The following PHF14 variants were observed in gnomAD, a reference collection of about 807,000 sequenced individuals.
PHF14 encodes the protein PHD finger protein 14.
In PHF14, 55 loss-of-function variants were observed where a neutral mutation model predicts 117.9. The observed-to-expected ratio is 0.47, with a 90% CI of 0.38 to 0.58. The LOEUF is 0.58. Among genes scored for constraint, PHF14 ranks in the 20% least tolerant of loss-of-function variants. The pLI is 0.00. For missense variants in PHF14, 978 were observed against 1,122.2 expected (o/e 0.87, Z 1.84); for synonymous variants, 409 against 368.6 (o/e 1.11, Z -1.26).
At chr7:11,071,761 G>A (rs1408555436) in intron 16 of PHF14, among the ~76,000 whole-genome samples, 1 of 152,120 alleles carries the variant, frequency 6.6e-6, no homozygotes, top group Non-Finnish European at 1.5e-5. Flanking sequence ...TTCTGATTAT[G>A]TATAAATTAG....
chr7:11,102,525 C>A, intron 16 of PHF14: 1 of 1,611,224 alleles, frequency 6.2e-7, no homozygotes, highest in Non-Finnish European at 8.5e-7. Context: ...AGCTCATCCT[C>A]GGAGGCAATC....
intron 4 of PHF14, among the ~76,000 whole-genome samples, chr7:11,003,026 C>T (rs1263299784): frequency 6.6e-6 from 1 of 151,854 alleles, no homozygotes; most frequent in South Asian, 2.1e-4. Context: ...CGCTCACTGT[C>T]GCCTCCCAGC....
In PHF14 at chr7:11,128,203, G is replaced by A. The variant is rs926974357; in HGVS notation, c.2772+16736G>A. Among the ~76,000 whole-genome samples, 4 of 151,938 alleles carry A rather than the reference G, an allele frequency of 2.6e-5. No individual in the cohort carries two copies. In the South Asian group the frequency reaches 8.3e-4, roughly 32 times the overall value. On this transcript the variant is annotated intron_variant, in intron 17 of 17. Coordinates refer to ENST00000634607, the MANE Select transcript of PHF14 (RefSeq NM_001007157.2). ...ACCAGACCTCATTGCTATCTTTTGT[G>A]ATCTCCTTATCAGATTTCTTATAGC...
At chr7:11,123,434 G>C (rs1787830723) in intron 17 of PHF14, among the ~76,000 whole-genome samples, 1 of 151,814 alleles carries the variant, frequency 6.6e-6, no homozygotes, top group South Asian at 2.1e-4. Flanking sequence ...CTGAAGATAT[G>C]ATTAAATATG....
intron 14 of PHF14, among the ~76,000 whole-genome samples, chr7:11,055,631 T>C (rs1784990293): frequency 6.6e-6 from 1 of 152,196 alleles, no homozygotes; most frequent in Non-Finnish European, 1.5e-5. Flanking sequence ...TAAACACATC[T>C]AATCGTTTTT....
At chr7:11,102,769 T>C in intron 16 of PHF14, 1 of 1,377,042 alleles carries the variant, frequency 7.3e-7, no homozygotes, top group Non-Finnish European at 9.4e-7. Context: ...TCTTTTTGCT[T>C]TTTTTGCACT....
chr7:11,024,003 G>A (rs900245604), intron 6 of PHF14, among the ~76,000 whole-genome samples: 2 of 152,150 alleles, frequency 1.3e-5, no homozygotes, highest in Non-Finnish European at 2.9e-5. Flanking sequence ...CTCTTCTGCC[G>A]AATAGCCAGT....
chr7:11,031,449 T>A (rs1324349478), intron 7 of PHF14, among the ~76,000 whole-genome samples: 8 of 152,134 alleles, frequency 5.3e-5, no homozygotes. Flanking sequence ...CACAACATCT[T>A]ATTTTTAAAA....
chr7:11,132,301 G>T (rs1182734414), intron 17 of PHF14, among the ~76,000 whole-genome samples: 8 of 113,702 alleles, frequency 7.0e-5, no homozygotes, highest in Non-Finnish European at 1.4e-4. Context: ...GTATAATTGA[G>T]ATTTTTTTTT....
At chr7:11,145,363 C>CAT (rs925551950) in intron 17 of PHF14, among the ~76,000 whole-genome samples, 2 of 151,988 alleles carry the variant, frequency 1.3e-5, no homozygotes, top group African/African-American at 4.8e-5. Flanking sequence ...CTAGAATGTG[C>CAT]ATATATCCTT....
chr7:11,080,686 A>G (rs751796994), intron 16 of PHF14, among the ~76,000 whole-genome samples: 1 of 152,226 alleles, frequency 6.6e-6, no homozygotes, highest in Non-Finnish European at 1.5e-5. Flanking sequence ...TTTCTAGATC[A>G]AAAGTACTAT....
intron 7 of PHF14, among the ~76,000 whole-genome samples, chr7:11,035,233 G>T (rs1784280115): frequency 6.6e-6 from 1 of 151,996 alleles, no homozygotes; most frequent in Admixed American, 6.6e-5. Flanking sequence ...TAAAATATGT[G>T]GGAGAATGCA....
In PHF14 at chr7:11,163,197, G is replaced by C. The variant is rs1789100312; in HGVS notation, c.2773-6219G>C. Among the ~76,000 whole-genome samples, 3 of 152,232 alleles carry C rather than the reference G, an allele frequency of 2.0e-5. No individual in the cohort carries two copies. The South Asian group carries it at 6.2e-4, about 32-fold the overall frequency. ...TCTACTTAATGATATATGTGTTTGA[G>C]CTGAGTTTACTAAGAACATCCCAAG... On this transcript the variant is annotated intron_variant, in intron 17 of 17. Coordinates refer to ENST00000634607, the MANE Select transcript of PHF14 (RefSeq NM_001007157.2).
At chr7:10,987,248 A>G (rs1482127726) in intron 3 of PHF14, among the ~76,000 whole-genome samples, 2 of 152,172 alleles carry the variant, frequency 1.3e-5, no homozygotes, top group African/African-American at 2.4e-5. Context: ...CTAAAAATGT[A>G]GAGGAAGTAT....
chr7:11,099,660 T>C (rs1217721944), intron 16 of PHF14, among the ~76,000 whole-genome samples: 2 of 152,144 alleles, frequency 1.3e-5, no homozygotes, highest in South Asian at 2.1e-4. Context: ...ACTGAGACTC[T>C]TACCACAGTT....
chr7:11,164,974 C>T (rs549387707), intron 17 of PHF14, among the ~76,000 whole-genome samples: 107 of 152,176 alleles, frequency 7.0e-4, no homozygotes, highest in African/African-American at 2.5e-3. Context: ...GCCCAGGCTG[C>T]AGTGCAGTGG....
At chr7:11,110,618 A>C (rs1260290840) in intron 16 of PHF14, 1 of 624,216 alleles carries the variant, frequency 1.6e-6, no homozygotes, top group Non-Finnish European at 2.0e-6. Flanking sequence ...ATAAGTTTTT[A>C]AATGTACTAG....
At position 11,165,545 on chromosome 7, in the gene PHF14, T is replaced by G. The variant is rs147944706; in HGVS notation, c.2773-3871T>G. Among the ~76,000 whole-genome samples the G allele has an allele frequency of 5.5e-3, 845 of 152,316 alleles. 6 individuals carry two copies. Among genetic ancestry groups the G allele is most frequent in the African/African-American group, 0.02 (817 of 41,564 alleles). On this transcript the variant is annotated intron_variant, in intron 17 of 17. Coordinates refer to ENST00000634607, the MANE Select transcript of PHF14 (RefSeq NM_001007157.2). ...GATTACAAGAGTTTAAGAAATCTTT[T>G]AAACTTGGCAGTCTACAAGGTAAAC...
At chr7:10,993,408 C>G (rs964949409) in intron 4 of PHF14, among the ~76,000 whole-genome samples, 10 of 152,020 alleles carry the variant, frequency 6.6e-5, no homozygotes, top group Non-Finnish European at 1.2e-4. Context: ...GTGGAGCTGC[C>G]CTTTTTTTGC....
Sources: gnomAD v4.1 joint callset for allele counts (sites outside exome capture counted in the v4.1 genomes callset) on GRCh38, gnomAD v4.1.1 for gene constraint, MANE v1.5 for transcripts, NCBI Gene and HGNC (gene_info 2026-07-23, HGNC 2026-07-21) for gene names.